MARCHF6: variants seen among roughly 807,000 people sequenced by gnomAD.
MARCHF6 encodes membrane associated ring-CH-type finger 6, also known as E3 ubiquitin-protein ligase MARCHF6.
In MARCHF6, 31 loss-of-function variants were observed where a neutral mutation model predicts 133.7. That is an observed-to-expected ratio of 0.23 (90% CI 0.17 to 0.31). The LOEUF is 0.31. MARCHF6 is among the 10% of genes least tolerant of loss of function. MARCHF6 has a pLI of 1.00. For synonymous variants in MARCHF6, 395 were observed against 402.5 expected (o/e 0.98, Z 0.22); for missense variants, 723 against 1,121.6 (o/e 0.64, Z 5.08).
In MARCHF6 at chr5:10,387,079, C is replaced by A; in HGVS notation, c.407+13C>A. On this transcript the variant is annotated intron_variant, in intron 5 of 25. Coordinates refer to ENST00000274140, the MANE Select transcript of MARCHF6 (RefSeq NM_005885.4). The stretch of plus-strand genomic sequence containing the variant: ...ATATGCTGTCAACGTGAGTATTGAA[C>A]CTCTGTGACGAATGTTGCATGATGT... 1 of 1,595,182 alleles carries A rather than the reference C, an allele frequency of 6.3e-7. No homozygotes were observed. The highest frequency in any genetic ancestry group is 8.6e-7 in the Non-Finnish European group (1 of 1,164,806).
intron 24 of MARCHF6, among the ~76,000 whole-genome samples, chr5:10,426,777 TAGGC>T (rs973766594): frequency 1.2e-4 from 18 of 152,242 alleles, no homozygotes; most frequent in African/African-American, 4.3e-4. Context: ...CTGTACAAAA[TAGGC>T]AGGATCAGAT....
At chr5:10,389,127 T>A (rs1737655121) in intron 5 of MARCHF6, among the ~76,000 whole-genome samples, 1 of 152,184 alleles carries the variant, frequency 6.6e-6, no homozygotes, top group Non-Finnish European at 1.5e-5. Context: ...AAAAAAGTGA[T>A]TCCATTAAAA....
Position 10,382,230 on chromosome 5 carries a change from A to G in MARCHF6, c.334+287A>G, listed in dbSNP as rs180749691. ...CAAATCAAATCATAATTAGATATGA[A>G]GTATGCTAGAGCTTTCAAGGGCTAC... On this transcript the variant is annotated intron_variant, in intron 4 of 25. Transcript: ENST00000274140. 2.8e-3 allele frequency among the ~76,000 whole-genome samples: 432 copies of G among 152,304 alleles called. 1 individual carries two copies. The highest frequency in any genetic ancestry group is 0.02 in the Middle Eastern group (6 of 294).
chr5:10,433,196 T>G (rs7715689), intron 25 of MARCHF6, among the ~76,000 whole-genome samples: 7,753 of 152,310 alleles, frequency 0.051, 667 homozygotes, highest in African/African-American at 0.18. Flanking sequence ...AGCCCCTTCC[T>G]AGCTTTCTGA....
At chr5:10,358,499 A>G (rs1178043000) in intron 1 of MARCHF6, among the ~76,000 whole-genome samples, 1 of 152,168 alleles carries the variant, frequency 6.6e-6, no homozygotes, top group Admixed American at 6.5e-5. Flanking sequence ...GAACATGTAC[A>G]GCCTTTTTTT....
At chr5:10,405,825 G>T in intron 16 of MARCHF6, 148 bp downstream of exon 16, 1 of 597,726 alleles carries the variant, frequency 1.7e-6, no homozygotes. Context: ...CAGTTGTCAA[G>T]TAGCTGTGTT....
At chr5:10,361,816 T>G (rs767201141) in intron 1 of MARCHF6, among the ~76,000 whole-genome samples, 21 of 152,122 alleles carry the variant, frequency 1.4e-4, no homozygotes, top group Non-Finnish European at 2.8e-4. Context: ...TAGGCTGCAG[T>G]GCAATGGCGC....
chr5:10,380,568 G>A (rs1737073679), intron 3 of MARCHF6, among the ~76,000 whole-genome samples: 1 of 152,054 alleles, frequency 6.6e-6, no homozygotes, highest in African/African-American at 2.4e-5. Context: ...TGGTTTTAAT[G>A]ACTTGCTCTT....
At chr5:10,392,179 G>A (rs1004843097) in intron 7 of MARCHF6, among the ~76,000 whole-genome samples, 1 of 152,062 alleles carries the variant, frequency 6.6e-6, no homozygotes, top group Non-Finnish European at 1.5e-5. Context: ...GTATGGTCTC[G>A]ATCTCCTGAC....
At chr5:10,415,710 A>G in intron 21 of MARCHF6, 41 bp downstream of exon 21, 1 of 1,471,232 alleles carries the variant, frequency 6.8e-7, no homozygotes, top group Non-Finnish European at 9.1e-7. Flanking sequence ...TATGTTAGGA[A>G]TAGTGAATAT....
chr5:10,433,829 G>A lies in MARCHF6; in HGVS notation c.*145G>A, dbSNP rs1052786812. 14 of 662,200 alleles carry A rather than the reference G, an allele frequency of 2.1e-5. No individual in the cohort carries two copies. The highest frequency in any genetic ancestry group is 1.1e-4 in the African/African-American group (6 of 55,082). The allele number at this position is 662,200 out of a possible 1,614,324, so 41.0% of individuals were successfully genotyped here. ...GTGTTCTCAGCATTCAGAGAGCAGC[G>A]GTGTAAGATTCTGCTGTTCTCCCTG... On this transcript the variant is annotated 3_prime_UTR_variant, in exon 26 of 26. Coordinates refer to ENST00000274140, the MANE Select transcript of MARCHF6 (RefSeq NM_005885.4).
At chr5:10,355,268 G>A (rs1735382134) in intron 1 of MARCHF6, among the ~76,000 whole-genome samples, 1 of 152,194 alleles carries the variant, frequency 6.6e-6, no homozygotes, top group Non-Finnish European at 1.5e-5. Context: ...TGAAGGTTGC[G>A]AACTATTTCT....
intron 11 of MARCHF6, 166 bp from the exon 12 acceptor site, chr5:10,401,892 GA>G (rs1472116057): frequency 8.4e-6 from 5 of 595,404 alleles, no homozygotes; most frequent in Non-Finnish European, 1.5e-5. Flanking sequence ...GTCAGTGAGA[GA>G]ATTTGGTTTT....
chr5:10,406,654 C>A (rs1738911537), intron 16 of MARCHF6, among the ~76,000 whole-genome samples: 1 of 152,118 alleles, frequency 6.6e-6, no homozygotes, highest in African/African-American at 2.4e-5. Flanking sequence ...TCCCAAAGTG[C>A]TGGGATTACC....
rs756533777 is a variant in MARCHF6 at position 10,387,024 on chromosome 5, C to G, written c.365C>G (p.Ser122Cys). 6.2e-7 allele frequency: 1 copy of G among 1,613,202 alleles called. No homozygotes were observed. Among genetic ancestry groups the G allele is most frequent in the South Asian group, 1.1e-5 (1 of 90,998 alleles). ...ATCTACAAGTGCTTGTTTACTGGCT[C>G]CGTGAGCTCACTACTGACGCTGCCA... ...CRIYKCLFTG[S>C]VSSLLTLPLD... Residue 122 changes from serine to cysteine, a missense_variant, in exon 5 of 26, where the codon TCC (serine) becomes TGC (cysteine). Physicochemically the swap from Ser to Cys is moderately radical, Grantham distance 112 (BLOSUM62 -1). Coordinates refer to ENST00000274140, the MANE Select transcript of MARCHF6 (RefSeq NM_005885.4).
intron 21 of MARCHF6, among the ~76,000 whole-genome samples, chr5:10,416,952 A>G (rs1200678766): frequency 6.6e-6 from 1 of 152,232 alleles, no homozygotes; most frequent in Non-Finnish European, 1.5e-5. Flanking sequence ...AGTCCACCTC[A>G]AAGTTCACAG....
Position 10,435,673 on chromosome 5 carries a change from ATATATATATATATATATATATAT to A in MARCHF6, c.*1990_*2012del, listed in dbSNP as rs1740611578. 1 of 6,040 alleles carries A rather than the reference ATATATATATATATATATATATAT, an allele frequency of 1.7e-4. No individual in the cohort carries two copies. Among genetic ancestry groups the A allele is most frequent in the Non-Finnish European group, 2.7e-4 (1 of 3,722 alleles). The allele number at this position is 6,040 out of a possible 1,614,324, so 0.4% of individuals were successfully genotyped here. A position where few individuals can be genotyped will look rare whatever the true frequency, so the allele number is the denominator to read the frequency against. The stretch of plus-strand genomic sequence containing the variant: ...TATATATATATATATATATATATAT[ATATATATATATATATATATATAT>A]ATTTTTTTTTTTTTTTTTTTTTTTT... On this transcript the variant is annotated 3_prime_UTR_variant, in exon 26 of 26. Transcript: ENST00000274140.
chr5:10,362,991 G>GA (rs144203529), intron 1 of MARCHF6, among the ~76,000 whole-genome samples: 157 of 147,294 alleles, frequency 1.1e-3, no homozygotes, highest in African/African-American at 3.7e-3. Context: ...ATAGCTGTAG[G>GA]AAAAAAAAAA....
At chr5:10,423,912 A>T in intron 23 of MARCHF6, 88 bp downstream of exon 23, 1 of 874,168 alleles carries the variant, frequency 1.1e-6, no homozygotes, top group South Asian at 2.1e-5. Context: ...TTATCTTCCT[A>T]CCTTGCTGAG....
Sources: gnomAD v4.1 joint callset for allele counts (sites outside exome capture counted in the v4.1 genomes callset) on GRCh38, gnomAD v4.1.1 for gene constraint, MANE v1.5 for transcripts, NCBI Gene and HGNC (gene_info 2026-07-23, HGNC 2026-07-21) for gene names.